Variants in PLEKHH2 observed in about 807,000 individuals in gnomAD.
PLEKHH2 encodes the protein pleckstrin homology, MyTH4 and FERM domain containing H2, also known as pleckstrin homology domain-containing family H member 2.
In PLEKHH2, 129 loss-of-function variants were observed where a neutral mutation model predicts 187.9. The ratio of observed to expected loss-of-function variants is 0.69; its 90% CI spans 0.59 to 0.79. The LOEUF (loss-of-function observed/expected upper bound fraction) is 0.79. Ranked by LOEUF, PLEKHH2 falls within the 30% of genes least tolerant of loss-of-function variation. The probability of loss-of-function intolerance (pLI) is 0.00; values close to 1 mark genes in which losing one functional copy is unlikely to be tolerated. For missense variants in PLEKHH2, 2,076 were observed against 1,751.2 expected, an observed-to-expected ratio of 1.19 and a Z score of -3.31; for synonymous variants, 686 against 605.6, an observed-to-expected ratio of 1.13 and a Z score of -1.95.
intron 1 of PLEKHH2, among the ~76,000 whole-genome samples, chr2:43,641,797 T>C (rs1051541997): frequency 6.6e-6 from 1 of 152,234 alleles, no homozygotes; most frequent in Non-Finnish European, 1.5e-5. Context: ...CAAAAATCAA[T>C]GTGAGGCTTT....
At chr2:43,656,509 A>G (rs1056574385) in intron 2 of PLEKHH2, among the ~76,000 whole-genome samples, 16 of 152,246 alleles carry the variant, frequency 1.1e-4, no homozygotes, top group African/African-American at 3.1e-4. Flanking sequence ...CTTCCAGTGG[A>G]ATGATGACCA....
At chr2:43,676,488 CG>C (rs1463203753) in intron 2 of PLEKHH2, among the ~76,000 whole-genome samples, 1 of 151,210 alleles carries the variant, frequency 6.6e-6, no homozygotes, top group South Asian at 2.1e-4. Flanking sequence ...GAGCGGGACG[CG>C]GCGGCCACTG....
chr2:43,732,760 A>G (rs1468327646), intron 19 of PLEKHH2, among the ~76,000 whole-genome samples: 1 of 151,908 alleles, frequency 6.6e-6, no homozygotes, highest in African/African-American at 2.4e-5. Flanking sequence ...GTTTGTTTCT[A>G]TTAATTCTTG....
At chr2:43,755,779 C>G (rs768986646) in intron 25 of PLEKHH2, among the ~76,000 whole-genome samples, 1 of 152,122 alleles carries the variant, frequency 6.6e-6, no homozygotes, top group African/African-American at 2.4e-5. Context: ...GCACCTTACA[C>G]GTGGTCTCTT....
intron 2 of PLEKHH2, chr2:43,676,167 A>G: frequency 1.2e-6 from 2 of 1,613,982 alleles, no homozygotes; most frequent in Non-Finnish European, 1.7e-6. Context: ...TGTTTAAGAA[A>G]TCGTTCCTGT....
At chr2:43,702,595 AAGT>A (rs1359048487) in intron 8 of PLEKHH2, among the ~76,000 whole-genome samples, 1 of 138,420 alleles carries the variant, frequency 7.2e-6, no homozygotes, top group East Asian at 2.0e-4. Flanking sequence ...GGTCCTGAAA[AAGT>A]AGTATTGCTT....
chr2:43,749,882 T>A (rs938556731), intron 24 of PLEKHH2, among the ~76,000 whole-genome samples: 5 of 152,254 alleles, frequency 3.3e-5, no homozygotes, highest in East Asian at 1.9e-4. Flanking sequence ...CATGGAATTT[T>A]AAATGGATAC....
chr2:43,731,467 T>C (rs771923956), intron 18 of PLEKHH2, 23 bp from the exon 19 acceptor site: 1 of 1,448,498 alleles, frequency 6.9e-7, no homozygotes, highest in Admixed American at 1.7e-5. Flanking sequence ...CAGTTTTCTG[T>C]TCATATTTTA....
chr2:43,734,595 A>G (rs1048076577), intron 19 of PLEKHH2, among the ~76,000 whole-genome samples: 8 of 152,216 alleles, frequency 5.3e-5, no homozygotes, highest in Non-Finnish European at 8.8e-5. Context: ...AAAAGGCAGA[A>G]AATAACGAAT....
chr2:43,707,104 G>C (rs1368902632), intron 10 of PLEKHH2, among the ~76,000 whole-genome samples: 2 of 147,494 alleles, frequency 1.4e-5, no homozygotes. Flanking sequence ...GCTGAGTCAG[G>C]AGAATCGCTT....
intron 2 of PLEKHH2, among the ~76,000 whole-genome samples, chr2:43,658,154 G>A (rs190818804): frequency 5.3e-5 from 8 of 152,136 alleles, no homozygotes; most frequent in African/African-American, 1.7e-4. Flanking sequence ...CATTATACAG[G>A]GAGTGTACTT....
chr2:43,760,053 G>A (rs139191918), intron 27 of PLEKHH2, among the ~76,000 whole-genome samples: 2 of 152,200 alleles, frequency 1.3e-5, no homozygotes, highest in East Asian at 3.9e-4. Context: ...TAAAATTAAT[G>A]TACTTACGGG....
chr2:43,747,220 C>G (rs544442498), intron 24 of PLEKHH2, among the ~76,000 whole-genome samples: 1 of 151,850 alleles, frequency 6.6e-6, no homozygotes, highest in East Asian at 1.9e-4. Flanking sequence ...AGACCCAGTT[C>G]CTGATCTTTT....
chr2:43,709,197 T>C (rs1558535283), intron 11 of PLEKHH2, among the ~76,000 whole-genome samples: 1 of 152,220 alleles, frequency 6.6e-6, no homozygotes, highest in African/African-American at 2.4e-5. Context: ...TCTTTCAATC[T>C]TATTGTTTCT....
In PLEKHH2 at chr2:43,735,280, A is replaced by T. The variant is rs1303808504; in HGVS notation, c.2944-3061A>T. Among the ~76,000 whole-genome samples, 4 of 152,328 alleles carry T rather than the reference A, an allele frequency of 2.6e-5. No homozygotes were observed. The East Asian group carries it at 7.7e-4, about 29-fold the overall frequency. On this transcript the variant is annotated intron_variant, in intron 19 of 29. Transcript: ENST00000282406. Reference sequence around the variant, plus strand: ...AGCCCTGTCATTTGCAACAACATAGATGGAACTGGAGAACATTATATTAAG... The same window carrying T: ...AGCCCTGTCATTTGCAACAACATAGTTGGAACTGGAGAACATTATATTAAG...
chr2:43,688,199 A>G (rs1668623029), intron 3 of PLEKHH2, among the ~76,000 whole-genome samples: 1 of 152,234 alleles, frequency 6.6e-6, no homozygotes, highest in Admixed American at 6.5e-5. Context: ...CCTACAGAAT[A>G]GGAGAAAATA....
chr2:43,758,036 G>C (rs1672285020), intron 26 of PLEKHH2, among the ~76,000 whole-genome samples: 1 of 152,144 alleles, frequency 6.6e-6, no homozygotes, highest in South Asian at 2.1e-4. Flanking sequence ...AATATATAAA[G>C]AGAAGCTGAT....
At chr2:43,692,899 A>C (rs1052093925) in intron 4 of PLEKHH2, among the ~76,000 whole-genome samples, 1 of 152,142 alleles carries the variant, frequency 6.6e-6, no homozygotes, top group African/African-American at 2.4e-5. Context: ...AATGCTCGTT[A>C]ATATTCAAAC....
At chr2:43,753,951 A>G (rs1053420002) in intron 25 of PLEKHH2, among the ~76,000 whole-genome samples, 191 bp downstream of exon 25, 8 of 152,212 alleles carry the variant, frequency 5.3e-5, no homozygotes, top group Non-Finnish European at 1.0e-4. Context: ...ATGTAGAATG[A>G]GACAGTATTC....
Sources: allele counts gnomAD v4.1 joint callset (sites outside exome capture counted in the v4.1 genomes callset), GRCh38; gene constraint gnomAD v4.1.1; transcripts MANE v1.5; gene names NCBI Gene and HGNC (gene_info 2026-07-23, HGNC 2026-07-21).